Variants in PKP2 observed in about 807,000 individuals in gnomAD.
PKP2 encodes plakophilin 2.
In PKP2, 73 loss-of-function variants were observed where a neutral mutation model predicts 83.4. The observed-to-expected ratio is 0.88, with a 90% CI of 0.72 to 1.06. The LOEUF (loss-of-function observed/expected upper bound fraction) is 1.06, where lower values mean the gene tolerates loss of function less well. Ranked by LOEUF, PKP2 falls within the 50% of genes least tolerant of loss-of-function variation. The probability of loss-of-function intolerance (pLI) is 0.00; values close to 1 mark genes in which losing one functional copy is unlikely to be tolerated. For synonymous variants in PKP2, 409 were observed against 430.4 expected (o/e 0.95, Z 0.62); for missense variants, 966 against 1,065.4 (o/e 0.91, Z 1.30).
At chr12:32,843,396 A>G in intron 5 of PKP2, 2 of 1,069,634 alleles carry the variant, frequency 1.9e-6, no homozygotes, top group Non-Finnish European at 2.6e-6. Flanking sequence ...TGGCTGAACT[A>G]TGTGGCAAAC....
At chr12:32,866,656 T>C (rs1956852191) in intron 4 of PKP2, among the ~76,000 whole-genome samples, 1 of 149,972 alleles carries the variant, frequency 6.7e-6, no homozygotes, top group African/African-American at 2.5e-5. Context: ...CAGGCTAACA[T>C]TAAGGCTCAC....
intron 6 of PKP2, among the ~76,000 whole-genome samples, chr12:32,838,802 T>C (rs1156729029): frequency 6.6e-6 from 1 of 152,224 alleles, no homozygotes; most frequent in African/African-American, 2.4e-5. Context: ...AACTATCATA[T>C]AACAGCAATG....
At chr12:32,796,419 G>A in intron 10 of PKP2, 121 bp from the exon 11 acceptor site, 2 of 924,842 alleles carry the variant, frequency 2.2e-6, no homozygotes, top group Non-Finnish European at 3.3e-6. Context: ...ATCTTGCTCT[G>A]TTGCCCAGGC....
chr12:32,838,528 C>T (rs1472438705), intron 6 of PKP2, among the ~76,000 whole-genome samples: 1 of 151,978 alleles, frequency 6.6e-6, no homozygotes, highest in Admixed American at 6.6e-5. Flanking sequence ...AAGATCGCCA[C>T]TATCTGGCTT....
At chr12:32,841,972 C>G (rs1309974589) in intron 5 of PKP2, among the ~76,000 whole-genome samples, 2 of 152,268 alleles carry the variant, frequency 1.3e-5, no homozygotes, top group East Asian at 3.9e-4. Flanking sequence ...TCTCTTTCCT[C>G]TTGAATCCCC....
At chr12:32,862,098 T>C (rs1956804438) in intron 4 of PKP2, among the ~76,000 whole-genome samples, 2 of 152,238 alleles carry the variant, frequency 1.3e-5, no homozygotes, top group South Asian at 2.1e-4. Context: ...GGTTTTACCA[T>C]GTTGCCCAGG....
rs1330576025 is a variant in PKP2, at chr12:32,810,970, C to T, written c.2014-8414G>A. On this transcript the variant is annotated intron_variant, in intron 9 of 12. Coordinates refer to ENST00000340811, the MANE Select transcript of PKP2 (RefSeq NM_001005242.3). The stretch of plus-strand genomic sequence containing the variant: ...TGCTGGGATTACAGGCGTGAGCCAC[C>T]GCGCCCGGCCAGAATAAACATTTTT... 7.8e-4 allele frequency among the ~76,000 whole-genome samples: 5 copies of T among 6,430 alleles called. 2 individuals carry two copies. The South Asian group carries it at 0.029, about 38-fold the overall frequency. The allele number at this position is 6,430 out of a possible 152,430, so 4.2% of individuals were successfully genotyped here.
At chr12:32,798,232 G>A (rs942420838) in intron 10 of PKP2, among the ~76,000 whole-genome samples, 8 of 150,860 alleles carry the variant, frequency 5.3e-5, no homozygotes, top group South Asian at 2.1e-4. Flanking sequence ...TTACAGGTAC[G>A]CACCACCATG....
chr12:32,816,601 C>T (rs1956322091), intron 9 of PKP2, among the ~76,000 whole-genome samples: 2 of 152,124 alleles, frequency 1.3e-5, no homozygotes, highest in Non-Finnish European at 2.9e-5. Flanking sequence ...TGGATATCTA[C>T]TCAGTAATGG....
chr12:32,798,475 G>C (rs1956151639), intron 10 of PKP2, among the ~76,000 whole-genome samples: 1 of 147,656 alleles, frequency 6.8e-6, no homozygotes, highest in South Asian at 2.1e-4. Context: ...TTTGAGTTTG[G>C]CTTTTTTTTT....
intron 4 of PKP2, among the ~76,000 whole-genome samples, chr12:32,868,599 C>G (rs1361689474): frequency 6.6e-6 from 1 of 151,850 alleles, no homozygotes; most frequent in African/African-American, 2.4e-5. Flanking sequence ...CTCAGTTCAC[C>G]GCAACCTCCG....
intron 5 of PKP2, among the ~76,000 whole-genome samples, chr12:32,842,404 G>A (rs1956602294): frequency 6.6e-6 from 1 of 151,954 alleles, no homozygotes; most frequent in Non-Finnish European, 1.5e-5. Context: ...CACCATGCCT[G>A]ACTAATTTTT....
chr12:32,882,461 C>G (rs772061884), intron 1 of PKP2, among the ~76,000 whole-genome samples: 1 of 152,178 alleles, frequency 6.6e-6, no homozygotes, highest in South Asian at 2.1e-4. Context: ...TAATGGCGTG[C>G]TTCTTCCATC....
intron 1 of PKP2, among the ~76,000 whole-genome samples, chr12:32,888,428 C>A (rs1489544097): frequency 6.6e-6 from 1 of 152,000 alleles, no homozygotes. Context: ...ATTTCCCCTG[C>A]CTCTCACGTG....
At position 32,885,659 on chromosome 12, in the gene PKP2, G is replaced by A. The variant is rs894413064; in HGVS notation, c.224-6627C>T. Among the ~76,000 whole-genome samples the A allele has an allele frequency of 1.1e-4, 16 of 142,036 alleles. 1 individual carries two copies. Among genetic ancestry groups the A allele is most frequent in the African/African-American group, 3.6e-4 (13 of 36,254 alleles). 93.2% of individuals were successfully genotyped at this position (142,036 alleles called of 152,430 possible). On this transcript the variant is annotated intron_variant, in intron 1 of 12. Transcript: ENST00000340811. Reference sequence around the variant, plus strand: ...AGCCTGGGCAACAGAGCAAGATTCCGTCCCCCCCCCAAAAAAAAAACTAAG... The same window carrying A: ...AGCCTGGGCAACAGAGCAAGATTCCATCCCCCCCCCAAAAAAAAAACTAAG...
chr12:32,887,308 G>T (rs1008965808), intron 1 of PKP2, among the ~76,000 whole-genome samples: 1 of 152,236 alleles, frequency 6.6e-6, no homozygotes, highest in African/African-American at 2.4e-5. Flanking sequence ...TCACTCACAC[G>T]ATATACCAGC....
rs547378328 is a variant in PKP2, at chr12:32,790,942, G to T, written c.*1482C>A. On this transcript the variant is annotated 3_prime_UTR_variant, in exon 13 of 13. Coordinates refer to ENST00000340811, the MANE Select transcript of PKP2 (RefSeq NM_001005242.3). ...TCTAAATAATTTCATTTTGAACTAG[G>T]TTAGCAACCTAAGTTGTCTTCATTC... The T allele has an allele frequency of 2.4e-4, 37 of 152,038 alleles. No individual in the cohort carries two copies. The highest frequency in any genetic ancestry group is 8.9e-4 in the African/African-American group (37 of 41,480). 9.4% of individuals were successfully genotyped at this position (152,038 alleles called of 1,614,324 possible).
At chr12:32,872,540 AAAAC>A (rs1004067585) in intron 3 of PKP2, among the ~76,000 whole-genome samples, 7 of 152,092 alleles carry the variant, frequency 4.6e-5, no homozygotes, top group Non-Finnish European at 1.0e-4. Flanking sequence ...GTCTCAAAAA[AAAAC>A]AAAACAAAAC....
At position 32,851,119 on chromosome 12, in the gene PKP2, T is replaced by C. The variant is rs73303641; in HGVS notation, c.1171-146A>G. Reference sequence around the variant, plus strand: ...ATGTGTAGCACAACTGAGGCTCTTGTAGAATATACCCCGGCTATAAGGCAG... The same window carrying C: ...ATGTGTAGCACAACTGAGGCTCTTGCAGAATATACCCCGGCTATAAGGCAG... On this transcript the variant is annotated intron_variant, in intron 4 of 12. Coordinates refer to ENST00000340811, the MANE Select transcript of PKP2 (RefSeq NM_001005242.3). 7.7e-3 allele frequency: 5,480 copies of C among 709,760 alleles called. 201 individuals are homozygous for C. In the African/African-American group the frequency reaches 0.086, roughly 11 times the overall value. 44.0% of individuals were successfully genotyped at this position (709,760 alleles called of 1,614,324 possible).
Sources: gnomAD v4.1 joint callset for allele counts (sites outside exome capture counted in the v4.1 genomes callset) on GRCh38, gnomAD v4.1.1 for gene constraint, MANE v1.5 for transcripts, NCBI Gene and HGNC (gene_info 2026-07-23, HGNC 2026-07-21) for gene names.